Variants in TRPC6 observed in about 807,000 individuals in gnomAD.
TRPC6 encodes the protein short transient receptor potential channel 6.
A neutral mutation model predicts 90.7 loss-of-function variants in TRPC6; 55 were observed. The ratio of observed to expected loss-of-function variants is 0.61; its 90% confidence interval spans 0.49 to 0.76. The LOEUF (loss-of-function observed/expected upper bound fraction) is 0.76. TRPC6 is among the 30% of genes least tolerant of loss of function. The pLI is 0.00. For missense variants in TRPC6, 989 were observed against 1,122.7 expected, an observed-to-expected ratio of 0.88 and a Z score of 1.70; for synonymous variants, 393 against 393.0, an observed-to-expected ratio of 1.00 and a Z score of 0.00.
chr11:101,453,516 G>A (rs901351229), intron 12 of TRPC6, 134 bp downstream of exon 12: 2 of 883,000 alleles, frequency 2.3e-6, no homozygotes, highest in Non-Finnish European at 1.9e-6. Flanking sequence ...ACGGCGGTTG[G>A]TGAGATCCTG....
chr11:101,467,407 T>A (rs1304562536), intron 10 of TRPC6, among the ~76,000 whole-genome samples: 1 of 152,216 alleles, frequency 6.6e-6, no homozygotes, highest in East Asian at 1.9e-4. Context: ...AGCTATTACA[T>A]ACCCACTATG....
chr11:101,511,949 C>T (rs567771430), intron 1 of TRPC6, among the ~76,000 whole-genome samples: 7 of 152,112 alleles, frequency 4.6e-5, no homozygotes, highest in South Asian at 4.2e-4. Flanking sequence ...GCCGAGATCA[C>T]GCCACTGCAC....
intron 5 of TRPC6, among the ~76,000 whole-genome samples, chr11:101,479,491 C>CT (rs1479663071): frequency 7.2e-5 from 11 of 152,208 alleles, no homozygotes. Flanking sequence ...TTTTTGTCAA[C>CT]TAAAAATGAG....
intron 1 of TRPC6, among the ~76,000 whole-genome samples, chr11:101,547,105 G>C (rs1861323625): frequency 6.6e-6 from 1 of 152,118 alleles, no homozygotes; most frequent in Non-Finnish European, 1.5e-5. Flanking sequence ...TCTGGGTTTG[G>C]TGGCATTTTG....
At position 101,452,620 on chromosome 11, in the gene TRPC6, T is replaced by C; in HGVS notation, c.*335A>G. On this transcript the variant is annotated 3_prime_UTR_variant, in exon 13 of 13. Coordinates refer to ENST00000344327, the MANE Select transcript of TRPC6 (RefSeq NM_004621.6). ...AGGAAAAACCGCATGGGGAGTAACG[T>C]GGGTCAGCCCCTGTCCGCTGGGACC... is the stretch of plus-strand genomic sequence containing the variant. The C allele has an allele frequency of 3.9e-6, 1 of 259,404 alleles. No individual in the cohort carries two copies. The highest frequency in any genetic ancestry group is 9.3e-5 in the East Asian group (1 of 10,700). 16.1% of individuals were successfully genotyped at this position (259,404 alleles called of 1,614,324 possible). A position where few individuals can be genotyped will look rare whatever the true frequency, so the allele number is the denominator to read the frequency against.
At chr11:101,470,816 CCCT>C (rs1565206464) in intron 9 of TRPC6, among the ~76,000 whole-genome samples, 4 of 60,612 alleles carry the variant, frequency 6.6e-5, no homozygotes, top group Admixed American at 1.6e-4. Flanking sequence ...CGCCCCCCCC[CCCT>C]CCCCGAGTCA....
chr11:101,557,217 TG>T (rs1861581068), intron 1 of TRPC6, among the ~76,000 whole-genome samples: 2 of 152,072 alleles, frequency 1.3e-5, no homozygotes, highest in African/African-American at 4.8e-5. Context: ...TAGCCAGGCA[TG>T]GTGGCACATG....
rs944471735 is a variant in TRPC6, at chr11:101,452,738, G to C, written c.*217C>G. ...TTATAAAACAAGCACCAAACAACTG[G>C]GCATAATTTTCCTCATTATCTACAG... On this transcript the variant is annotated 3_prime_UTR_variant, in exon 13 of 13. Coordinates refer to ENST00000344327, the MANE Select transcript of TRPC6 (RefSeq NM_004621.6). 3.1e-5 allele frequency: 17 copies of C among 556,672 alleles called. No individual in the cohort carries two copies. The highest frequency in any genetic ancestry group is 2.8e-4 in the African/African-American group (15 of 52,952). 34.5% of individuals were successfully genotyped at this position (556,672 alleles called of 1,614,324 possible).
chr11:101,527,904 T>C (rs989811723), intron 1 of TRPC6, among the ~76,000 whole-genome samples: 1 of 151,942 alleles, frequency 6.6e-6, no homozygotes, highest in Non-Finnish European at 1.5e-5. Flanking sequence ...TAACCCTGTC[T>C]CTACTAAAAA....
chr11:101,530,535 G>T (rs1365803841), intron 1 of TRPC6, among the ~76,000 whole-genome samples: 1 of 152,104 alleles, frequency 6.6e-6, no homozygotes, highest in African/African-American at 2.4e-5. Context: ...GGCCAGTCTT[G>T]CCCACCCAGG....
chr11:101,578,615 TG>T (rs1318531940), intron 1 of TRPC6, among the ~76,000 whole-genome samples: 4 of 152,126 alleles, frequency 2.6e-5, no homozygotes, highest in Non-Finnish European at 5.9e-5. Flanking sequence ...AGTCATTTTT[TG>T]TTTTTTTCAT....
chr11:101,504,390 T>G lies in TRPC6; in HGVS notation c.579A>C (p.Ala193=). The change falls in exon 2 of 13, where the codon GCA becomes GCC. Residue 193 remains alanine (A), a synonymous_variant. Coordinates refer to ENST00000344327, the MANE Select transcript of TRPC6 (RefSeq NM_004621.6). ...GGAGTTCAGACTGGCTAGGGCTGGTTGCTAACCTCTTGCCTTCAGCAAAAG... is the reference window on the plus strand; with the variant it reads ...GGAGTTCAGACTGGCTAGGGCTGGTGGCTAACCTCTTGCCTTCAGCAAAAG... ...HPAFAEGKRL[A]TSPSQSELQQ... The G allele has an allele frequency of 1.9e-6, 3 of 1,614,134 alleles. No homozygotes were observed. The highest frequency in any genetic ancestry group is 2.5e-6 in the Non-Finnish European group (3 of 1,180,006).
intron 1 of TRPC6, among the ~76,000 whole-genome samples, chr11:101,534,751 A>C (rs1860996081): frequency 1.3e-5 from 2 of 152,346 alleles, no homozygotes; most frequent in South Asian, 4.1e-4. Context: ...TTCATAGCTG[A>C]GTGAAGTTTC....
rs778273150 is a variant in TRPC6, at chr11:101,471,234, C to T, written c.2358G>A (p.Glu786=). ...LLLKLKKWIS[E]LFQGHKKGFQ... is the part of the protein sequence containing the mutation. ...AACCTTTTTTATGGCCCTGGAACAG[C>T]TCAGAAATCCATTTTTTAAGCTTCA... Residue 786 remains glutamate (E), a synonymous_variant, in exon 9 of 13, where the codon GAG becomes GAA. Transcript: ENST00000344327. The T allele has an allele frequency of 3.1e-6, 5 of 1,613,816 alleles. No homozygotes were observed. The Admixed American group carries it at 6.7e-5, about 22-fold the overall frequency.
At chr11:101,547,922 T>C (rs1251437058) in intron 1 of TRPC6, among the ~76,000 whole-genome samples, 2 of 152,126 alleles carry the variant, frequency 1.3e-5, no homozygotes, top group African/African-American at 4.8e-5. Flanking sequence ...TAGACAATTC[T>C]GACACCAAAA....
At chr11:101,558,203 G>GTGTATACATGTATACA (rs201098020) in intron 1 of TRPC6, among the ~76,000 whole-genome samples, 1 of 79,990 alleles carries the variant, frequency 1.3e-5, no homozygotes, top group Non-Finnish European at 2.5e-5. Context: ...ATATATGTGT[G>GTGTATACATGTATACA]TGTATACATG....
chr11:101,544,887 A>AAAAAAG (rs1555010563), intron 1 of TRPC6, among the ~76,000 whole-genome samples: 1 of 151,876 alleles, frequency 6.6e-6, no homozygotes, highest in Non-Finnish European at 1.5e-5. Flanking sequence ...ATTAAAAAAA[A>AAAAAAG]TGTTTGTTCA....
At chr11:101,577,530 G>T (rs1862095793) in intron 1 of TRPC6, among the ~76,000 whole-genome samples, 1 of 152,160 alleles carries the variant, frequency 6.6e-6, no homozygotes, top group Non-Finnish European at 1.5e-5. Flanking sequence ...ATAAAGTTTG[G>T]AAAATAGATA....
At chr11:101,468,180 T>C (rs920803593) in intron 10 of TRPC6, among the ~76,000 whole-genome samples, 1 of 152,130 alleles carries the variant, frequency 6.6e-6, no homozygotes, top group Non-Finnish European at 1.5e-5. Context: ...CTCATCCACA[T>C]GTTACCTCCC....
Sources: gnomAD v4.1 joint callset for allele counts (sites outside exome capture counted in the v4.1 genomes callset) on GRCh38, gnomAD v4.1.1 for gene constraint, MANE v1.5 for transcripts, NCBI Gene and HGNC (gene_info 2026-07-23, HGNC 2026-07-21) for gene names.